ATP6V0A4: variants seen among roughly 807,000 people sequenced by gnomAD.
The protein encoded by ATP6V0A4 is ATPase H+ transporting V0 subunit a4, also known as V-type proton ATPase 116 kDa subunit a 4.
In ATP6V0A4, 86 loss-of-function variants were observed where a neutral mutation model predicts 107.3. That is an observed-to-expected ratio of 0.80 (90% confidence interval 0.67 to 0.96). ATP6V0A4 has a LOEUF of 0.96. Ranked by LOEUF, ATP6V0A4 falls within the 40% of genes least tolerant of loss-of-function variation. The pLI is 0.00. For synonymous variants in ATP6V0A4, 353 were observed against 381.4 expected (o/e 0.93, Z 0.87); for missense variants, 908 against 1,045.6 (o/e 0.87, Z 1.81).
intron 5 of ATP6V0A4, among the ~76,000 whole-genome samples, chr7:138,767,085 A>G (rs1443857720): frequency 1.3e-5 from 2 of 152,244 alleles, no homozygotes; most frequent in African/African-American, 2.4e-5. Context: ...CATCCTTCTC[A>G]TGAAAGTGTT....
intron 11 of ATP6V0A4, among the ~76,000 whole-genome samples, chr7:138,751,735 G>A (rs381821): frequency 0.25 from 37,484 of 151,684 alleles, 4,879 homozygotes; most frequent in East Asian, 0.48. Flanking sequence ...TAGCCATCTC[G>A]GACACACCGC....
chr7:138,736,820 C>T (rs562432259), intron 15 of ATP6V0A4, among the ~76,000 whole-genome samples: 7 of 151,974 alleles, frequency 4.6e-5, no homozygotes, highest in Non-Finnish European at 1.0e-4. Flanking sequence ...ATCCGCATGC[C>T]TTGGCCTCCC....
At position 138,762,867 on chromosome 7, in the gene ATP6V0A4, G is replaced by C. The variant is rs574324316; in HGVS notation, c.417+33C>G. The C allele has an allele frequency of 1.6e-5, 26 of 1,608,508 alleles. No individual in the cohort carries two copies. In the Middle Eastern group the frequency reaches 8.3e-4, roughly 51 times the overall value. On this transcript the variant is annotated intron_variant, in intron 6 of 21. Coordinates refer to ENST00000310018, the MANE Select transcript of ATP6V0A4 (RefSeq NM_020632.3). The stretch of plus-strand genomic sequence containing the variant: ...ATGGAAATTTGAGGTTCTGAGGAAC[G>C]GGCCCTTTAGTAACTCATCCCCACG...
intron 12 of ATP6V0A4, 23 bp from the exon 13 acceptor site, chr7:138,747,587 G>T (rs181227639): frequency 6.2e-7 from 1 of 1,612,902 alleles, no homozygotes; most frequent in Admixed American, 1.7e-5. Flanking sequence ...GACACACAAC[G>T]CCTGAGGCCT....
intron 13 of ATP6V0A4, among the ~76,000 whole-genome samples, chr7:138,745,958 A>ATAT (rs1327313662): frequency 0.098 from 4,127 of 42,042 alleles, 65 homozygotes; most frequent in East Asian, 0.34. Flanking sequence ...AAAAAAAAAA[A>ATAT]AAAAATATAT....
At chr7:138,716,578 G>GT (rs887633879) in intron 19 of ATP6V0A4, among the ~76,000 whole-genome samples, 64 of 136,560 alleles carry the variant, frequency 4.7e-4, no homozygotes, top group Admixed American at 1.3e-3. Context: ...TTTTTTTTGG[G>GT]GGGGGGGGAG....
intron 5 of ATP6V0A4, among the ~76,000 whole-genome samples, chr7:138,764,642 G>A (rs1806997544): frequency 6.6e-6 from 1 of 152,086 alleles, no homozygotes; most frequent in Non-Finnish European, 1.5e-5. Flanking sequence ...ACAGGAAAGG[G>A]AAGGGAAGTA....
Position 138,755,680 on chromosome 7 carries a change from C to T in ATP6V0A4, c.816+9G>A. Reference sequence around the variant, plus strand: ...GCCATCAGACCATGCGCCCAAACCCCTCACTCACGGTGATTAAATCTTCCA... The same window carrying T: ...GCCATCAGACCATGCGCCCAAACCCTTCACTCACGGTGATTAAATCTTCCA... On this transcript the variant is annotated intron_variant, in intron 10 of 21. Transcript: ENST00000310018. 6.2e-7 allele frequency: 1 copy of T among 1,613,662 alleles called. No homozygotes were observed. The highest frequency in any genetic ancestry group is 8.5e-7 in the Non-Finnish European group (1 of 1,180,024).
At chr7:138,722,331 A>T (rs1220804238) in intron 18 of ATP6V0A4, among the ~76,000 whole-genome samples, 10 of 151,900 alleles carry the variant, frequency 6.6e-5, no homozygotes, top group Admixed American at 6.6e-4. Flanking sequence ...CCGTCTCAAA[A>T]AAATAAATAA....
chr7:138,793,220 G>A (rs542525002), intron 1 of ATP6V0A4, among the ~76,000 whole-genome samples: 19 of 152,258 alleles, frequency 1.2e-4, no homozygotes, highest in Admixed American at 8.5e-4. Context: ...GCTTGGACCC[G>A]GGAGGTGGAA....
intron 8 of ATP6V0A4, among the ~76,000 whole-genome samples, chr7:138,757,049 A>G (rs1806546975): frequency 6.6e-6 from 1 of 152,222 alleles, no homozygotes; most frequent in African/African-American, 2.4e-5. Context: ...TGTGTGCCAT[A>G]AGACTGCTGC....
At chr7:138,776,632 C>T (rs894807389) in intron 2 of ATP6V0A4, among the ~76,000 whole-genome samples, 4 of 152,108 alleles carry the variant, frequency 2.6e-5, no homozygotes, top group African/African-American at 4.8e-5. Flanking sequence ...TCCCAGTCAG[C>T]GGGTGGGGCC....
intron 11 of ATP6V0A4, among the ~76,000 whole-genome samples, chr7:138,751,755 A>C (rs1336498356): frequency 6.6e-6 from 1 of 152,070 alleles, no homozygotes; most frequent in South Asian, 2.1e-4. Flanking sequence ...CAAGCGATCT[A>C]CATATTTTGG....
At chr7:138,781,258 A>T (rs962342953) in intron 2 of ATP6V0A4, among the ~76,000 whole-genome samples, 2 of 152,184 alleles carry the variant, frequency 1.3e-5, no homozygotes, top group Non-Finnish European at 2.9e-5. Context: ...ATGGAGAAAA[A>T]GGGATTTGTT....
At chr7:138,722,149 A>C in intron 18 of ATP6V0A4, 124 bp from the exon 19 acceptor site, 1 of 1,479,626 alleles carries the variant, frequency 6.8e-7, no homozygotes, top group Non-Finnish European at 9.1e-7. Flanking sequence ...TAAACACTAC[A>C]CTATCTCATT....
Position 138,752,595 on chromosome 7 carries a change from G to A in ATP6V0A4, c.1029+30C>T, listed in dbSNP as rs753992991. ...AGCCCAGCAGAGGGGCTGACTCATCGGACCCCTCCTGGCTCCACCTGCCAC... is the reference window on the plus strand; with the variant it reads ...AGCCCAGCAGAGGGGCTGACTCATCAGACCCCTCCTGGCTCCACCTGCCAC... On this transcript the variant is annotated intron_variant, in intron 11 of 21. Coordinates refer to ENST00000310018, the MANE Select transcript of ATP6V0A4 (RefSeq NM_020632.3). The A allele has an allele frequency of 5.6e-5, 90 of 1,611,080 alleles. 1 individual carries two copies. In the South Asian group the frequency reaches 8.4e-4, roughly 15 times the overall value.
chr7:138,720,162 A>G (rs10274415), intron 19 of ATP6V0A4, among the ~76,000 whole-genome samples: 67,971 of 152,034 alleles, frequency 0.45, 15,728 homozygotes, highest in South Asian at 0.57. Context: ...GGAACCCCCA[A>G]ACTTGCGGCT....
intron 9 of ATP6V0A4, chr7:138,756,003 C>T (rs1806494229): frequency 4.0e-6 from 3 of 757,882 alleles, no homozygotes; most frequent in Non-Finnish European, 6.2e-6. Flanking sequence ...TATGAATGAG[C>T]TTCATTCAAA....
At chr7:138,760,849 A>G (rs992686123) in intron 7 of ATP6V0A4, among the ~76,000 whole-genome samples, 7 of 152,220 alleles carry the variant, frequency 4.6e-5, no homozygotes, top group African/African-American at 1.7e-4. Flanking sequence ...AAATGCCTCA[A>G]TTTCACTTAG....
Sources: gnomAD v4.1 joint callset for allele counts (sites outside exome capture counted in the v4.1 genomes callset) on GRCh38, gnomAD v4.1.1 for gene constraint, MANE v1.5 for transcripts, NCBI Gene and HGNC (gene_info 2026-07-23, HGNC 2026-07-21) for gene names.